The following GPRC5A variants were observed in gnomAD, a reference collection of about 807,000 sequenced individuals.
GPRC5A encodes G protein-coupled receptor class C group 5 member A.
GPRC5A carries 19 observed loss-of-function variants against 22.5 expected under a neutral mutation model. The observed-to-expected ratio is 0.85, with a 90% confidence interval of 0.59 to 1.24. The LOEUF is 1.24. Among genes scored for constraint, GPRC5A ranks in the 50% most tolerant of loss-of-function variants. The pLI, the probability that GPRC5A is intolerant of heterozygous loss-of-function variation, is 0.00. For missense variants in GPRC5A, 471 were observed against 451.1 expected, an observed-to-expected ratio of 1.04 and a Z score of -0.40; for synonymous variants, 192 against 184.5, an observed-to-expected ratio of 1.04 and a Z score of -0.33.
intron 2 of GPRC5A, 182 bp downstream of exon 2, chr12:12,909,353 C>A: frequency 1.8e-6 from 1 of 567,874 alleles, no homozygotes; most frequent in East Asian, 2.9e-5. Context: ...AAGTAGAACA[C>A]GAAGCTGGCC....
intron 1 of GPRC5A, among the ~76,000 whole-genome samples, chr12:12,895,741 G>T (rs974260380): frequency 6.7e-6 from 1 of 149,208 alleles, no homozygotes; most frequent in Non-Finnish European, 1.5e-5. Flanking sequence ...ACTTTGGGAG[G>T]CTGAGGCGGG....
In GPRC5A at chr12:12,908,493, A is replaced by C; in HGVS notation, c.244A>C (p.Thr82Pro). 6.2e-7 allele frequency: 1 copy of C among 1,614,006 alleles called. No homozygotes were observed. The highest frequency in any genetic ancestry group is 8.5e-7 in the Non-Finnish European group (1 of 1,180,006). ...GGGTGTGTTGGGCATCTTTGGCCTCACCTTCGCCTTCATCATCGGACTGGA... is the reference window on the plus strand; with the variant it reads ...GGGTGTGTTGGGCATCTTTGGCCTCCCCTTCGCCTTCATCATCGGACTGGA... ...LLGVLGIFGL[T>P]FAFIIGLDGS... The change falls in exon 2 of 4, where the codon ACC becomes CCC. Residue 82 changes from threonine (T) to proline (P), a missense_variant. Transcript: ENST00000014914.
intron 1 of GPRC5A, among the ~76,000 whole-genome samples, chr12:12,894,185 T>C (rs1863796068): frequency 6.6e-6 from 1 of 152,230 alleles, no homozygotes. Context: ...ATAGAAAATC[T>C]ATGCTGATCA....
At chr12:12,904,662 A>G (rs1263356814) in intron 1 of GPRC5A, among the ~76,000 whole-genome samples, 1 of 152,200 alleles carries the variant, frequency 6.6e-6, no homozygotes. Flanking sequence ...AATTTTATTA[A>G]AATTCGGGAA....
At chr12:12,900,861 G>T (rs751806065) in intron 1 of GPRC5A, among the ~76,000 whole-genome samples, 13 of 115,196 alleles carry the variant, frequency 1.1e-4, no homozygotes, top group Non-Finnish European at 1.6e-4. Flanking sequence ...TTGCACTCCA[G>T]CCTGGGCAAC....
At chr12:12,911,471 G>C (rs1232793572) in intron 2 of GPRC5A, among the ~76,000 whole-genome samples, 1 of 151,758 alleles carries the variant, frequency 6.6e-6, no homozygotes, top group African/African-American at 2.4e-5. Context: ...TGAAATGACT[G>C]GTTTTTATGA....
In GPRC5A at chr12:12,912,758, T is replaced by C. The variant is rs1565466133; in HGVS notation, c.*219T>C. On this transcript the variant is annotated 3_prime_UTR_variant, in exon 4 of 4. Coordinates refer to ENST00000014914, the MANE Select transcript of GPRC5A (RefSeq NM_003979.4). ...AGGCGCTGTAGTATTTTTTTTTTTT[T>C]GTCTCATCCTTTGGATACTTCTTTT... is the stretch of plus-strand genomic sequence containing the variant. The C allele has an allele frequency of 5.9e-4, 300 of 505,454 alleles. No individual in the cohort carries two copies. Among genetic ancestry groups the C allele is most frequent in the African/African-American group, 5.4e-3 (276 of 50,760 alleles). The allele number at this position is 505,454 out of a possible 1,614,324, so 31.3% of individuals were successfully genotyped here.
intron 2 of GPRC5A, chr12:12,909,614 C>A (rs1249824899): frequency 6.3e-6 from 1 of 158,930 alleles, no homozygotes; most frequent in African/African-American, 2.4e-5. Flanking sequence ...TTGTAGATTT[C>A]AGTGCATAAA....
At chr12:12,895,642 T>G (rs551661275) in intron 1 of GPRC5A, among the ~76,000 whole-genome samples, 2 of 151,800 alleles carry the variant, frequency 1.3e-5, no homozygotes, top group East Asian at 3.9e-4. Flanking sequence ...TGTATCAGAA[T>G]AAGATATTTA....
At chr12:12,901,340 C>T (rs1023121681) in intron 1 of GPRC5A, among the ~76,000 whole-genome samples, 1 of 152,066 alleles carries the variant, frequency 6.6e-6, no homozygotes, top group African/African-American at 2.4e-5. Flanking sequence ...CATGGCCAGG[C>T]GCTCCTAATC....
Position 12,915,641 on chromosome 12 carries a change from T to A in GPRC5A, c.*3102T>A. The A allele has an allele frequency of 1.6e-5, 3 of 187,368 alleles. No homozygotes were observed. The highest frequency in any genetic ancestry group is 7.0e-5 in the South Asian group (1 of 14,376). The allele number at this position is 187,368 out of a possible 1,614,324, so 11.6% of individuals were successfully genotyped here. On this transcript the variant is annotated 3_prime_UTR_variant, in exon 4 of 4. Coordinates refer to ENST00000014914, the MANE Select transcript of GPRC5A (RefSeq NM_003979.4). ...CTCCTCCTTCTCCTCCTCCTCCTCCTCCACCATGCCCGGCTGATTTTTGTA... is the reference window on the plus strand; with the variant it reads ...CTCCTCCTTCTCCTCCTCCTCCTCCACCACCATGCCCGGCTGATTTTTGTA...
intron 1 of GPRC5A, among the ~76,000 whole-genome samples, chr12:12,902,094 T>C (rs1357835079): frequency 1.3e-5 from 2 of 152,182 alleles, no homozygotes; most frequent in African/African-American, 4.8e-5. Flanking sequence ...TCTCTTCCAA[T>C]CCCCTGGTGT....
intron 1 of GPRC5A, among the ~76,000 whole-genome samples, chr12:12,897,339 T>C (rs1297465235): frequency 6.6e-6 from 1 of 151,570 alleles, no homozygotes; most frequent in African/African-American, 2.4e-5. Flanking sequence ...ATATGGTAAG[T>C]GGATCATAAA....
At chr12:12,905,793 G>T (rs1234072031) in intron 1 of GPRC5A, among the ~76,000 whole-genome samples, 2 of 152,308 alleles carry the variant, frequency 1.3e-5, no homozygotes, top group East Asian at 3.9e-4. Context: ...GGCAGAGAAA[G>T]AAGCCTTTCT....
chr12:12,901,864 T>C (rs559458556), intron 1 of GPRC5A, among the ~76,000 whole-genome samples: 2 of 152,186 alleles, frequency 1.3e-5, no homozygotes, highest in Admixed American at 1.3e-4. Context: ...CTTTGTTGGC[T>C]GGACTCTAGA....
chr12:12,907,694 T>A (rs957694148), intron 1 of GPRC5A, among the ~76,000 whole-genome samples: 13 of 152,288 alleles, frequency 8.5e-5, no homozygotes, highest in African/African-American at 3.1e-4. Context: ...TGCAGTGACG[T>A]GATCATAGCT....
chr12:12,898,848 C>T lies in GPRC5A; in HGVS notation c.-8+7184C>T, dbSNP rs182212647. On this transcript the variant is annotated intron_variant, in intron 1 of 3. Transcript: ENST00000014914. ...CTGTTCATCTTTCATGTTTCATCTC[C>T]CTGCTTTCTTCCCTAAAGCATTAAA... Among the ~76,000 whole-genome samples, 21 of 152,270 alleles carry T rather than the reference C, an allele frequency of 1.4e-4. No homozygotes were observed. In the East Asian group the frequency reaches 3.9e-3, roughly 28 times the overall value.
intron 1 of GPRC5A, among the ~76,000 whole-genome samples, chr12:12,902,346 G>A (rs920337001): frequency 1.4e-5 from 2 of 145,820 alleles, no homozygotes. Flanking sequence ...GACTAAGATG[G>A]TTTTTTTTTT....
chr12:12,900,891 CAAAAAAAAAA>C (rs756416857), intron 1 of GPRC5A, among the ~76,000 whole-genome samples: 6 of 21,680 alleles, frequency 2.8e-4, no homozygotes, highest in African/African-American at 8.3e-4. Context: ...AACTCCGTCT[CAAAAAAAAAA>C]AAAAAAAAAA....
Sources: gnomAD v4.1 joint callset for allele counts (sites outside exome capture counted in the v4.1 genomes callset) on GRCh38, gnomAD v4.1.1 for gene constraint, MANE v1.5 for transcripts, NCBI Gene and HGNC (gene_info 2026-07-23, HGNC 2026-07-21) for gene names.